Variants in RP1 observed in about 807,000 individuals in gnomAD.
RP1 encodes the protein oxygen-regulated protein 1.
RP1 carries 16 observed loss-of-function variants against 14.8 expected under a neutral mutation model. The ratio of observed to expected loss-of-function variants is 1.08; its 90% CI spans 0.73 to 1.65. The LOEUF (loss-of-function observed/expected upper bound fraction) is 1.65, where lower values mean the gene tolerates loss of function less well. RP1 is among the 40% of genes most tolerant of loss of function. The pLI is 0.00. For missense variants in RP1, 2,631 were observed against 2,535.0 expected (o/e 1.04, Z -0.81); for synonymous variants, 876 against 883.6 (o/e 0.99, Z 0.15).
exon 6 of RP1, chr8:54,656,197 G>A: frequency 6.5e-7 from 1 of 1,535,380 alleles, no homozygotes; most frequent in African/African-American, 1.4e-5. Context: ...TTTAAGTAAA[G>A]GACAACCTGT....
chr8:54,628,779 G>A lies in RP1; in HGVS notation c.4897G>A (p.Glu1633Lys), dbSNP rs982929068. 1.2e-6 allele frequency: 2 copies of A among 1,613,976 alleles called. No homozygotes were observed. The highest frequency in any genetic ancestry group is 2.7e-5 in the African/African-American group (2 of 74,924). Residue 1633 changes from glutamate to lysine, a missense_variant, in exon 4 of 4, where the codon GAA (glutamate) becomes AAA (lysine). Coordinates refer to ENST00000220676, the MANE Select transcript of RP1 (RefSeq NM_006269.2). ...CATAGGATTTGTTAAAAGGGCAATA[G>A]AAAAACTGTACGGTAAAGCAGATAT... Reference protein sequence around the residue: ...YNIGFVKRAIEKLYGKADIIK... With the variant: ...YNIGFVKRAIKKLYGKADIIK...
At chr8:54,566,184 T>C (rs1804401658) in intron 1 of RP1, among the ~76,000 whole-genome samples, 1 of 152,160 alleles carries the variant, frequency 6.6e-6, no homozygotes, top group African/African-American at 2.4e-5. Flanking sequence ...CTTCAACATA[T>C]GAATCTGGAG....
At chr8:54,830,728 G>A (rs145826134) in intron 24 of RP1, among the ~76,000 whole-genome samples, 17 of 152,078 alleles carry the variant, frequency 1.1e-4, no homozygotes, top group East Asian at 5.8e-4. Context: ...ACAATTAACC[G>A]TTTTGAAACG....
chr8:54,745,020 T>C (rs1350946261), intron 19 of RP1, among the ~76,000 whole-genome samples: 1 of 152,150 alleles, frequency 6.6e-6, no homozygotes, highest in Non-Finnish European at 1.5e-5. Flanking sequence ...CAGAAAACAA[T>C]TGTACTCGTA....
rs182392674 is a variant in RP1 at position 54,640,124 on chromosome 8, T to A, written c.788-8861T>A. On this transcript the variant is annotated intron_variant, in intron 3 of 22. Transcript: ENST00000636932. ...GTCCCATTTTGAGCTTTTTTTTTTT[T>A]TAAATATACTGTGGGAGGTAAGAGT... is the stretch of plus-strand genomic sequence containing the variant. Among the ~76,000 whole-genome samples, 1,145 of 152,136 alleles carry A rather than the reference T, an allele frequency of 7.5e-3. 17 individuals are homozygous for A. Among genetic ancestry groups the A allele is most frequent in the African/African-American group, 0.026 (1,087 of 41,508 alleles).
exon 10 of RP1, chr8:54,679,439 G>T: frequency 6.5e-7 from 1 of 1,535,920 alleles, no homozygotes; most frequent in Non-Finnish European, 8.7e-7. Context: ...TCAGGGGGAA[G>T]ATGATTGTAA....
intron 6 of RP1, among the ~76,000 whole-genome samples, chr8:54,656,434 G>C (rs549854499): frequency 6.6e-6 from 1 of 152,196 alleles, no homozygotes; most frequent in East Asian, 1.9e-4. Flanking sequence ...CTATAGGAAG[G>C]TTGGCTGAAA....
chr8:54,636,605 G>T (rs186880367), intron 3 of RP1, among the ~76,000 whole-genome samples: 3 of 152,108 alleles, frequency 2.0e-5, no homozygotes, highest in Non-Finnish European at 4.4e-5. Flanking sequence ...GGGCCTGGTC[G>T]TGGGCGCCTG....
chr8:54,679,705 G>A, intron 11 of RP1: 1 of 1,522,176 alleles, frequency 6.6e-7, no homozygotes, highest in East Asian at 2.5e-5. Flanking sequence ...AAACAAAACA[G>A]CCTATAGAGT....
At chr8:54,765,059 G>A (rs1244468401) in intron 22 of RP1, among the ~76,000 whole-genome samples, 1 of 152,250 alleles carries the variant, frequency 6.6e-6, no homozygotes, top group Non-Finnish European at 1.5e-5. Flanking sequence ...CTGGCAGAGA[G>A]CGGCGTTTCT....
Position 54,848,160 on chromosome 8 carries a change from G to A in RP1, c.3836-4414G>A, listed in dbSNP as rs555707008. ...CTATGTGTGGGCTCAGATATCTGGT[G>A]CAGGCATCCTTGGCAGTCATCTCGG... On this transcript the variant is annotated intron_variant, in intron 25 of 28. Transcript: ENST00000637698. 9.2e-5 allele frequency among the ~76,000 whole-genome samples: 14 copies of A among 152,264 alleles called. 1 individual carries two copies. In the South Asian group the frequency reaches 2.9e-3, roughly 32 times the overall value.
chr8:54,825,172 G>C (rs1340282257), intron 24 of RP1, among the ~76,000 whole-genome samples: 1 of 152,020 alleles, frequency 6.6e-6, no homozygotes. Flanking sequence ...TGTTAGCCAG[G>C]GTGGTCTTGA....
intron 24 of RP1, among the ~76,000 whole-genome samples, chr8:54,791,606 T>C (rs1367433869): frequency 6.6e-6 from 1 of 152,086 alleles, no homozygotes; most frequent in African/African-American, 2.4e-5. Context: ...GTTAAAAGTG[T>C]CATTTTATAG....
At chr8:54,775,013 C>T (rs1372132929) in intron 23 of RP1, among the ~76,000 whole-genome samples, 9 of 151,904 alleles carry the variant, frequency 5.9e-5, no homozygotes, top group Non-Finnish European at 4.4e-5. Context: ...GGGTGTTTGG[C>T]AGCTTTCCTG....
chr8:54,774,486 C>T (rs140269754), downstream of RP1, among the ~76,000 whole-genome samples: 2 of 152,150 alleles, frequency 1.3e-5, no homozygotes, highest in African/African-American at 4.8e-5. Flanking sequence ...GGAATTCTCC[C>T]AGCAGAGGCC....
chr8:54,863,232 G>A (rs1485631570), intron 27 of RP1, among the ~76,000 whole-genome samples: 2 of 151,820 alleles, frequency 1.3e-5, no homozygotes, highest in Non-Finnish European at 2.9e-5. Context: ...CCTTTTCTAT[G>A]TTTAGAAACA....
downstream of RP1, among the ~76,000 whole-genome samples, chr8:54,631,488 G>A (rs1036305758): frequency 6.6e-6 from 1 of 151,572 alleles, no homozygotes; most frequent in Non-Finnish European, 1.5e-5. Context: ...CTTTTTGTGT[G>A]TAATTCTTCC....
chr8:54,822,479 C>T (rs564136310), intron 24 of RP1, among the ~76,000 whole-genome samples: 55 of 152,316 alleles, frequency 3.6e-4, no homozygotes, highest in African/African-American at 1.3e-3. Flanking sequence ...TAAATTCCAT[C>T]TCTTCTACAT....
intron 15 of RP1, chr8:54,720,120 T>TGATTGTAGGGTACAGGA: frequency 6.6e-7 from 1 of 1,503,968 alleles, no homozygotes; most frequent in Non-Finnish European, 8.8e-7. Context: ...CATTTTGTAT[T>TGATTGTAGGGTACAGGA]GATTGTAGGG....
Sources: allele counts gnomAD v4.1 joint callset (sites outside exome capture counted in the v4.1 genomes callset), GRCh38; gene constraint gnomAD v4.1.1; transcripts MANE v1.5; gene names NCBI Gene and HGNC (gene_info 2026-07-23, HGNC 2026-07-21).